Variants in LAMC3 observed in about 807,000 individuals in gnomAD.
The protein encoded by LAMC3 is laminin subunit gamma-3.
A neutral mutation model predicts 173.8 loss-of-function variants in LAMC3; 128 were observed. That is an observed-to-expected ratio of 0.74 (90% CI 0.64 to 0.85). The LOEUF (loss-of-function observed/expected upper bound fraction) is 0.85. Among genes scored for constraint, LAMC3 ranks in the 40% least tolerant of loss-of-function variants. The probability of loss-of-function intolerance (pLI) is 0.00; values close to 1 mark genes in which losing one functional copy is unlikely to be tolerated. For missense variants in LAMC3, 2,022 were observed against 2,156.0 expected (o/e 0.94, Z 1.23); for synonymous variants, 897 against 909.1 (o/e 0.99, Z 0.24).
intron 24 of LAMC3, among the ~76,000 whole-genome samples, 193 bp from the exon 25 acceptor site, chr9:131,085,331 A>G (rs1830310147): frequency 6.6e-6 from 1 of 152,144 alleles, no homozygotes. Context: ...CCCAAGCAGT[A>G]TGTCTGTGTC....
chr9:131,051,546 C>G (rs146964322), intron 9 of LAMC3, among the ~76,000 whole-genome samples: 16,521 of 151,766 alleles, frequency 0.11, 1,274 homozygotes, highest in African/African-American at 0.22. Flanking sequence ...TGTATTTTTA[C>G]TAGAGATGGG....
At position 131,032,094 on chromosome 9, in the gene LAMC3, C is replaced by T. The variant is rs779619783; in HGVS notation, c.728C>T (p.Thr243Met). 38 of 1,614,122 alleles carry T rather than the reference C, an allele frequency of 2.4e-5. No individual in the cohort carries two copies. The highest frequency in any genetic ancestry group is 4.5e-5 in the East Asian group (2 of 44,870). Residue 243 changes from threonine to methionine, a missense_variant, in exon 3 of 28, where the codon ACG becomes ATG. By Grantham distance (81) the Thr-to-Met change is moderately conservative. Transcript: ENST00000361069. ...CTCATCTCTCTAGACCGGCTCAACA[C>T]GTTTGGGGACGACATCTTCAAGGAC... ...ELLISLDRLN[T>M]FGDDIFKDPK...
chr9:131,018,160 G>A lies in LAMC3; in HGVS notation c.374-8125G>A, dbSNP rs1473907110. 3.4e-5 allele frequency among the ~76,000 whole-genome samples: 5 copies of A among 145,876 alleles called. No individual in the cohort carries two copies. The East Asian group carries it at 1.0e-3, about 29-fold the overall frequency. On this transcript the variant is annotated intron_variant, in intron 1 of 27. Coordinates refer to ENST00000361069, the MANE Select transcript of LAMC3 (RefSeq NM_006059.4). ...TCTTTTTTTTTTTTTTTCTTGAGTT[G>A]GAGTCTCACTCTAGCCCAAGCTGGA...
At chr9:131,067,337 T>TTG in intron 14 of LAMC3, 132 bp downstream of exon 14, 1 of 1,113,710 alleles carries the variant, frequency 9.0e-7, no homozygotes, top group Non-Finnish European at 1.3e-6. Flanking sequence ...CTGTCCAGCC[T>TTG]CAGGCAGGTC....
chr9:131,077,007 C>T (rs1321721323), intron 21 of LAMC3, among the ~76,000 whole-genome samples, 180 bp from the exon 22 acceptor site: 1 of 152,238 alleles, frequency 6.6e-6, no homozygotes, highest in Non-Finnish European at 1.5e-5. Flanking sequence ...CCGTCTGGCT[C>T]ATCTGAAAGC....
At chr9:131,058,008 T>C (rs1829728254) in intron 12 of LAMC3, among the ~76,000 whole-genome samples, 1 of 152,248 alleles carries the variant, frequency 6.6e-6, no homozygotes, top group African/African-American at 2.4e-5. Flanking sequence ...GCAGTGCAGA[T>C]GCATGGCCAG....
intron 1 of LAMC3, among the ~76,000 whole-genome samples, chr9:131,024,088 T>A (rs1254281197): frequency 1.3e-5 from 2 of 152,098 alleles, no homozygotes; most frequent in African/African-American, 4.8e-5. Flanking sequence ...AAGAAGGCTC[T>A]TCTAGTGCAA....
intron 2 of LAMC3, among the ~76,000 whole-genome samples, chr9:131,031,107 C>T (rs899803112): frequency 3.3e-5 from 5 of 152,222 alleles, no homozygotes; most frequent in African/African-American, 9.6e-5. Flanking sequence ...GCCGAGCTCT[C>T]GGGGAGCAGG....
intron 4 of LAMC3, among the ~76,000 whole-genome samples, chr9:131,038,475 A>G (rs80229495): frequency 0.02 from 3,035 of 152,254 alleles, 88 homozygotes; most frequent in African/African-American, 0.068. Context: ...ACCTCACACA[A>G]TAGTGAGAGT....
chr9:131,046,753 G>C (rs1834170517), intron 8 of LAMC3, among the ~76,000 whole-genome samples: 1 of 152,016 alleles, frequency 6.6e-6, no homozygotes. Context: ...AGAGCTCGGA[G>C]CTCTGCATTA....
chr9:131,068,050 C>T (rs1211257131), intron 14 of LAMC3, 28 bp from the exon 15 acceptor site: 2 of 1,605,424 alleles, frequency 1.2e-6, no homozygotes, highest in African/African-American at 2.7e-5. Flanking sequence ...GCATTGTTCC[C>T]AACACCCCTT....
At chr9:131,019,587 A>C (rs1306164715) in intron 1 of LAMC3, among the ~76,000 whole-genome samples, 6 of 152,214 alleles carry the variant, frequency 3.9e-5, no homozygotes, top group Admixed American at 1.3e-4. Flanking sequence ...GCTATGTGCC[A>C]CGTGCTTTGC....
At chr9:131,022,367 A>G (rs1240257395) in intron 1 of LAMC3, among the ~76,000 whole-genome samples, 2 of 152,018 alleles carry the variant, frequency 1.3e-5, no homozygotes, top group Non-Finnish European at 2.9e-5. Flanking sequence ...TACAGGTGTG[A>G]GCCACCACGG....
rs1189263339 is a variant in LAMC3, at chr9:131,094,152, C to G, written c.*2365C>G. The stretch of plus-strand genomic sequence containing the variant: ...TTGCAGAGTGGCTTTCTTTGTTTTT[C>G]TTGTGCCTGATAGGAGAGGACACCC... On this transcript the variant is annotated 3_prime_UTR_variant, in exon 28 of 28. Transcript: ENST00000361069. 1.3e-5 allele frequency: 2 copies of G among 152,030 alleles called. No individual in the cohort carries two copies. Among genetic ancestry groups the G allele is most frequent in the Non-Finnish European group, 2.9e-5 (2 of 68,024 alleles). The allele number at this position is 152,030 out of a possible 1,614,324, so 9.4% of individuals were successfully genotyped here.
intron 13 of LAMC3, among the ~76,000 whole-genome samples, chr9:131,062,943 C>A (rs1369155826): frequency 6.6e-6 from 1 of 151,890 alleles, no homozygotes; most frequent in African/African-American, 2.4e-5. Context: ...CAGCTGTTCT[C>A]CTCTCTGTCT....
chr9:131,015,343 C>T (rs1302975789), intron 1 of LAMC3, among the ~76,000 whole-genome samples: 1 of 152,160 alleles, frequency 6.6e-6, no homozygotes, highest in Admixed American at 6.5e-5. Context: ...CCAGCCCAAC[C>T]CTGCCCTGCC....
intron 20 of LAMC3, 136 bp from the exon 21 acceptor site, chr9:131,075,694 TG>T (rs1830113418): frequency 3.2e-6 from 3 of 924,352 alleles, no homozygotes; most frequent in Admixed American, 2.2e-5. Context: ...CACAGAAAGG[TG>T]GAAAAGGCGT....
intron 2 of LAMC3, among the ~76,000 whole-genome samples, chr9:131,028,319 G>T (rs1027073469): frequency 2.0e-5 from 3 of 152,110 alleles, no homozygotes; most frequent in African/African-American, 7.2e-5. Flanking sequence ...TTGGAGTACC[G>T]CTGCTCTAGT....
chr9:131,038,596 T>C (rs907356249), intron 4 of LAMC3, among the ~76,000 whole-genome samples: 1 of 152,306 alleles, frequency 6.6e-6, no homozygotes, highest in Admixed American at 6.5e-5. Context: ...TGTATATCCT[T>C]GTTGCCTGGG....
Sources: allele counts gnomAD v4.1 joint callset (sites outside exome capture counted in the v4.1 genomes callset), GRCh38; gene constraint gnomAD v4.1.1; transcripts MANE v1.5; gene names NCBI Gene and HGNC (gene_info 2026-07-23, HGNC 2026-07-21).